WWTR1: variants seen among roughly 807,000 people sequenced by gnomAD.
WWTR1 encodes the protein WW domain-containing transcription regulator protein 1.
Under a neutral mutation model 40.1 loss-of-function variants are expected in WWTR1, and 13 were observed. The ratio of observed to expected loss-of-function variants is 0.32; its 90% CI spans 0.21 to 0.52. The LOEUF is 0.52. Ranked by LOEUF, WWTR1 falls within the 20% of genes least tolerant of loss-of-function variation. WWTR1 has a pLI of 0.97. For synonymous variants in WWTR1, 230 were observed against 210.1 expected, an observed-to-expected ratio of 1.09 and a Z score of -0.82; for missense variants, 436 against 523.1, an observed-to-expected ratio of 0.83 and a Z score of 1.63.
intron 2 of WWTR1, among the ~76,000 whole-genome samples, chr3:149,640,710 C>T (rs943950959): frequency 7.9e-5 from 12 of 151,972 alleles, no homozygotes; most frequent in African/African-American, 2.4e-4. Flanking sequence ...CATGAGCCAC[C>T]GAGCCCGACC....
At chr3:149,628,858 C>T (rs898805748) in intron 2 of WWTR1, among the ~76,000 whole-genome samples, 9 of 151,880 alleles carry the variant, frequency 5.9e-5, no homozygotes, top group Non-Finnish European at 1.2e-4. Context: ...ACTACAGCCT[C>T]GACCTCCCAG....
At chr3:149,606,460 CATT>C (rs975099441) in intron 2 of WWTR1, among the ~76,000 whole-genome samples, 8 of 152,146 alleles carry the variant, frequency 5.3e-5, no homozygotes, top group African/African-American at 1.7e-4. Flanking sequence ...AGTCAGTAAA[CATT>C]ATAATATATA....
intron 1 of WWTR1, chr3:149,657,512 T>C (rs968886976): frequency 6.6e-6 from 4 of 607,918 alleles, no homozygotes; most frequent in Non-Finnish European, 8.4e-6. Flanking sequence ...GCCTCGAGAA[T>C]TATGCAACTT....
chr3:149,564,365 G>T (rs1454018387), intron 3 of WWTR1, among the ~76,000 whole-genome samples: 1 of 152,196 alleles, frequency 6.6e-6, no homozygotes, highest in African/African-American at 2.4e-5. Flanking sequence ...TTGCTCAACT[G>T]CAGAGGCCTG....
At chr3:149,547,108 AAG>A (rs1292127738) in intron 3 of WWTR1, among the ~76,000 whole-genome samples, 1 of 152,114 alleles carries the variant, frequency 6.6e-6, no homozygotes, top group African/African-American at 2.4e-5. Flanking sequence ...GGCAGAGAAA[AAG>A]AGAAACAAAG....
At chr3:149,670,078 A>G (rs1714007993) in intron 1 of WWTR1, among the ~76,000 whole-genome samples, 1 of 152,208 alleles carries the variant, frequency 6.6e-6, no homozygotes, top group African/African-American at 2.4e-5. Flanking sequence ...ATGGGCAGCA[A>G]TGGCTCAGCT....
At chr3:149,718,219 TCAC>T (rs1715658807) in intron 4 of WWTR1, among the ~76,000 whole-genome samples, 2 of 152,100 alleles carry the variant, frequency 1.3e-5, no homozygotes. Context: ...TTCCCCATAA[TCAC>T]CACATCAAAC....
At chr3:149,540,614 AAGAC>A (rs2107934048) in intron 4 of WWTR1, among the ~76,000 whole-genome samples, 1 of 152,336 alleles carries the variant, frequency 6.6e-6, no homozygotes, top group South Asian at 2.1e-4. Context: ...TTATTATTCA[AAGAC>A]AGAAAACAAT....
chr3:149,546,437 G>A (rs1736369314), intron 3 of WWTR1, among the ~76,000 whole-genome samples: 1 of 152,180 alleles, frequency 6.6e-6, no homozygotes, highest in Non-Finnish European at 1.5e-5. Context: ...TCGTCCAGAA[G>A]GGGAAAAACC....
intron 3 of WWTR1, among the ~76,000 whole-genome samples, chr3:149,547,909 C>T (rs533818040): frequency 6.7e-6 from 1 of 148,178 alleles, no homozygotes; most frequent in Admixed American, 6.8e-5. Context: ...TGACCAGAAA[C>T]ATTTAATTGG....
chr3:149,705,156 A>G (rs2108226965), upstream of WWTR1, among the ~76,000 whole-genome samples: 1 of 152,286 alleles, frequency 6.6e-6, no homozygotes, highest in South Asian at 2.1e-4. Context: ...CAATCAGAGG[A>G]TCAGTCTACA....
intron 5 of WWTR1, among the ~76,000 whole-genome samples, chr3:149,714,678 C>T (rs1381548057): frequency 6.6e-6 from 1 of 152,198 alleles, no homozygotes; most frequent in Non-Finnish European, 1.5e-5. Context: ...CAGATAGGCT[C>T]CTGGGCAGAA....
chr3:149,628,073 C>T (rs140012850), intron 2 of WWTR1, among the ~76,000 whole-genome samples: 1,879 of 98,482 alleles, frequency 0.019, 37 homozygotes, highest in African/African-American at 0.071. Flanking sequence ...AACTCCGTCT[C>T]GAAAAAAAAA....
chr3:149,632,116 T>C (rs533666673), intron 2 of WWTR1, among the ~76,000 whole-genome samples: 16 of 152,308 alleles, frequency 1.1e-4, no homozygotes, highest in Non-Finnish European at 1.9e-4. Flanking sequence ...CTCACTATGT[T>C]GCCCAGGTTG....
chr3:149,700,799 C>T (rs1715145437), intron 1 of WWTR1, among the ~76,000 whole-genome samples: 1 of 152,096 alleles, frequency 6.6e-6, no homozygotes. Flanking sequence ...CACGTATGGG[C>T]TTCTAAAGAA....
At chr3:149,596,480 GA>G (rs139534610) in intron 2 of WWTR1, among the ~76,000 whole-genome samples, 8,384 of 152,194 alleles carry the variant, frequency 0.055, 335 homozygotes, top group Non-Finnish European at 0.08. Flanking sequence ...GATTAAGTTA[GA>G]AAAGGTGAGC....
intron 2 of WWTR1, among the ~76,000 whole-genome samples, chr3:149,587,283 T>C (rs773179658): frequency 3.3e-5 from 5 of 152,142 alleles, no homozygotes; most frequent in Non-Finnish European, 7.4e-5. Context: ...CTGTGTTGGA[T>C]GGTGTGTGAG....
chr3:149,667,926 G>T (rs1713902173), intron 2 of WWTR1, among the ~76,000 whole-genome samples: 1 of 152,056 alleles, frequency 6.6e-6, no homozygotes, highest in Non-Finnish European at 1.5e-5. Flanking sequence ...AGATACCAAA[G>T]AAAAAGTGAA....
chr3:149,655,733 T>C (rs938100894), intron 2 of WWTR1, among the ~76,000 whole-genome samples: 4 of 152,228 alleles, frequency 2.6e-5, no homozygotes, highest in Non-Finnish European at 5.9e-5. Flanking sequence ...GGGCTCACTA[T>C]AGTAAACTTC....
Sources: allele counts gnomAD v4.1 joint callset (sites outside exome capture counted in the v4.1 genomes callset), GRCh38; gene constraint gnomAD v4.1.1; transcripts MANE v1.5; gene names NCBI Gene and HGNC (gene_info 2026-07-23, HGNC 2026-07-21).